EGFR: variants seen among roughly 807,000 people sequenced by gnomAD.
EGFR encodes the protein avian erythroblastic leukemia viral (v-erb-b) oncogene homolog.
Under a neutral mutation model 143.0 loss-of-function variants are expected in EGFR, and 58 were observed. That is an observed-to-expected ratio of 0.41 (90% CI 0.33 to 0.50). The LOEUF (loss-of-function observed/expected upper bound fraction) is 0.50, where lower values mean the gene tolerates loss of function less well. EGFR is among the 20% of genes least tolerant of loss of function. The pLI is 0.39. For synonymous variants in EGFR, 613 were observed against 594.4 expected (o/e 1.03, Z -0.45); for missense variants, 1,307 against 1,579.0 (o/e 0.83, Z 2.92).
intron 1 of EGFR, among the ~76,000 whole-genome samples, chr7:55,081,548 G>C (rs1468243714): frequency 6.6e-6 from 1 of 152,142 alleles, no homozygotes; most frequent in East Asian, 1.9e-4. Flanking sequence ...GCAGAGGTGA[G>C]AGCAGCCCCT....
At chr7:55,084,018 A>G (rs1160713718) in intron 1 of EGFR, among the ~76,000 whole-genome samples, 1 of 152,262 alleles carries the variant, frequency 6.6e-6, no homozygotes, top group Non-Finnish European at 1.5e-5. Flanking sequence ...CCAAATCAGT[A>G]ACAAATATCC....
intron 1 of EGFR, among the ~76,000 whole-genome samples, chr7:55,053,019 C>T (rs1250163885): frequency 6.6e-6 from 1 of 152,118 alleles, no homozygotes; most frequent in East Asian, 1.9e-4. Flanking sequence ...ACTCCCTGCT[C>T]CCCTGAGTCT....
chr7:55,082,879 G>A (rs1290814955), intron 1 of EGFR, among the ~76,000 whole-genome samples: 2 of 152,140 alleles, frequency 1.3e-5, no homozygotes, highest in Non-Finnish European at 2.9e-5. Flanking sequence ...TGATGCCCCT[G>A]GCCTCTCCCC....
chr7:55,073,054 A>G (rs1407813255), intron 1 of EGFR, among the ~76,000 whole-genome samples: 2 of 152,228 alleles, frequency 1.3e-5, no homozygotes, highest in East Asian at 1.9e-4. Context: ...GCTTTTGGCT[A>G]ACTACCTGAC....
intron 1 of EGFR, among the ~76,000 whole-genome samples, chr7:55,028,340 A>G (rs1787054093): frequency 6.6e-6 from 1 of 152,160 alleles, no homozygotes; most frequent in Non-Finnish European, 1.5e-5. Context: ...TGCATGTTTT[A>G]GTGTCTCTGC....
At chr7:55,183,539 G>A (rs1184127263) in intron 20 of EGFR, among the ~76,000 whole-genome samples, 1 of 152,178 alleles carries the variant, frequency 6.6e-6, no homozygotes, top group Non-Finnish European at 1.5e-5. Flanking sequence ...CACTGTCTTG[G>A]GGAGGGGGTG....
chr7:55,101,330 C>T (rs1243229660), intron 1 of EGFR, among the ~76,000 whole-genome samples: 4 of 152,230 alleles, frequency 2.6e-5, no homozygotes, highest in African/African-American at 7.2e-5. Flanking sequence ...GATATGCCAT[C>T]GGTACAGACA....
intron 1 of EGFR, among the ~76,000 whole-genome samples, chr7:55,028,781 A>G (rs1270443581): frequency 3.3e-5 from 5 of 152,226 alleles, no homozygotes; most frequent in Non-Finnish European, 1.5e-5. Context: ...TTAAGCAATT[A>G]TCTGTTTATA....
chr7:55,140,045 G>T (rs1455440204), intron 1 of EGFR, among the ~76,000 whole-genome samples: 2 of 151,366 alleles, frequency 1.3e-5, no homozygotes, highest in African/African-American at 4.8e-5. Flanking sequence ...CCCTGAAGGG[G>T]CTTTTGGGGG....
At chr7:55,111,868 C>T (rs933445882) in intron 1 of EGFR, among the ~76,000 whole-genome samples, 4 of 152,226 alleles carry the variant, frequency 2.6e-5, no homozygotes, top group African/African-American at 7.2e-5. Flanking sequence ...TATTCCTTTG[C>T]TTCTACATCA....
intron 1 of EGFR, among the ~76,000 whole-genome samples, chr7:55,127,408 C>A (rs1793592157): frequency 6.6e-6 from 1 of 152,148 alleles, no homozygotes; most frequent in South Asian, 2.1e-4. Context: ...CCACATTTTC[C>A]AAGTGGGAGG....
At chr7:55,043,681 T>C (rs1788030478) in intron 1 of EGFR, among the ~76,000 whole-genome samples, 2 of 152,140 alleles carry the variant, frequency 1.3e-5, no homozygotes, top group Non-Finnish European at 1.5e-5. Context: ...CTTTAATGCA[T>C]AGGACAGCCC....
intron 1 of EGFR, among the ~76,000 whole-genome samples, chr7:55,109,543 A>G (rs1584059999): frequency 6.6e-6 from 1 of 152,252 alleles, no homozygotes; most frequent in African/African-American, 2.4e-5. Flanking sequence ...GCCAGCGACC[A>G]AGCAGAAAGC....
intron 20 of EGFR, among the ~76,000 whole-genome samples, chr7:55,190,218 TA>T (rs2128963248): frequency 1.3e-5 from 2 of 152,084 alleles, no homozygotes; most frequent in South Asian, 4.2e-4. Context: ...CATTTCCTCT[TA>T]AGTAGGCAGG....
intron 1 of EGFR, among the ~76,000 whole-genome samples, chr7:55,041,322 A>C (rs1424384127): frequency 6.6e-6 from 1 of 152,196 alleles, no homozygotes; most frequent in African/African-American, 2.4e-5. Context: ...GAGGCAGGAG[A>C]ATCTCTTGAA....
chr7:55,107,048 T>G (rs896007801), intron 1 of EGFR, among the ~76,000 whole-genome samples: 1 of 152,142 alleles, frequency 6.6e-6, no homozygotes, highest in East Asian at 1.9e-4. Flanking sequence ...GTTTTGCCCA[T>G]AAATAAATAT....
At chr7:55,060,273 T>A (rs1789090940) in intron 1 of EGFR, among the ~76,000 whole-genome samples, 1 of 152,220 alleles carries the variant, frequency 6.6e-6, no homozygotes, top group Non-Finnish European at 1.5e-5. Flanking sequence ...TCTTACTGGG[T>A]GAATTTGTGT....
intron 18 of EGFR, 22 bp from the exon 19 acceptor site, chr7:55,174,700 C>G (rs148470638): frequency 3.9e-5 from 62 of 1,599,120 alleles, no homozygotes; most frequent in Middle Eastern, 1.7e-4. Context: ...CAGTTAACGT[C>G]TTCCTTCTCT....
At chr7:55,201,386 A>G (rs1243353041) in intron 25 of EGFR, 31 bp downstream of exon 25, 15 of 1,612,580 alleles carry the variant, frequency 9.3e-6, no homozygotes, top group Non-Finnish European at 1.3e-5. Context: ...TCTCTCTCTC[A>G]AGCTGTGTCT....
Sources: allele counts gnomAD v4.1 joint callset (sites outside exome capture counted in the v4.1 genomes callset), GRCh38; gene constraint gnomAD v4.1.1; transcripts MANE v1.5; gene names NCBI Gene and HGNC (gene_info 2026-07-23, HGNC 2026-07-21).